The following CTNNA2 variants were observed in gnomAD, a reference collection of about 807,000 sequenced individuals.
CTNNA2 encodes the protein catenin alpha 2.
A neutral mutation model predicts 101.0 loss-of-function variants in CTNNA2; 42 were observed. The observed-to-expected ratio is 0.42, with a 90% CI of 0.32 to 0.54. The LOEUF is 0.54. Among genes scored for constraint, CTNNA2 ranks in the 20% least tolerant of loss-of-function variants. The pLI, the probability that CTNNA2 is intolerant of heterozygous loss-of-function variation, is 0.14. For missense variants in CTNNA2, 871 were observed against 1,223.1 expected, an observed-to-expected ratio of 0.71 and a Z score of 4.29; for synonymous variants, 450 against 456.4, an observed-to-expected ratio of 0.99 and a Z score of 0.18.
intron 7 of CTNNA2, among the ~76,000 whole-genome samples, chr2:79,984,864 A>C (rs941106839): frequency 6.6e-6 from 1 of 152,132 alleles, no homozygotes; most frequent in South Asian, 2.1e-4. Flanking sequence ...TAAAAATCCT[A>C]GGAGGTTTCC....
At chr2:80,388,347 G>T (rs77505636) in intron 7 of CTNNA2, among the ~76,000 whole-genome samples, 1,565 of 152,240 alleles carry the variant, frequency 0.01, 14 homozygotes, top group Middle Eastern at 0.054. Context: ...TGCTGGTTAG[G>T]TATTGGCTAA....
At chr2:79,837,342 G>A (rs1027983183) in intron 3 of CTNNA2, among the ~76,000 whole-genome samples, 2 of 152,166 alleles carry the variant, frequency 1.3e-5, no homozygotes, top group South Asian at 2.1e-4. Flanking sequence ...GCCTGTTTAT[G>A]TTCTAGCTGT....
chr2:80,394,572 A>G (rs141888445), intron 8 of CTNNA2, among the ~76,000 whole-genome samples: 55 of 152,294 alleles, frequency 3.6e-4, no homozygotes, highest in African/African-American at 1.3e-3. Flanking sequence ...CTCTTAGATC[A>G]TCTCTACATA....
At chr2:80,645,118 C>T (rs1370045413) in intron 18 of CTNNA2, among the ~76,000 whole-genome samples, 2 of 152,130 alleles carry the variant, frequency 1.3e-5, no homozygotes, top group African/African-American at 2.4e-5. Flanking sequence ...TTGCCCAAAG[C>T]AAATCAATGA....
chr2:79,382,176 T>C (rs1032617367), intron 4 of CTNNA2, among the ~76,000 whole-genome samples: 2 of 151,848 alleles, frequency 1.3e-5, no homozygotes, highest in African/African-American at 4.8e-5. Flanking sequence ...CTCCTGTCCT[T>C]GGGCATCAGT....
intron 7 of CTNNA2, among the ~76,000 whole-genome samples, chr2:80,081,584 G>T (rs909689057): frequency 7.4e-6 from 1 of 134,880 alleles, no homozygotes; most frequent in East Asian, 2.5e-4. Flanking sequence ...CTTTGCAAAA[G>T]ACATGATATA....
intron 7 of CTNNA2, among the ~76,000 whole-genome samples, chr2:80,389,999 T>G (rs769507058): frequency 1.3e-4 from 20 of 152,216 alleles, no homozygotes; most frequent in Non-Finnish European, 2.1e-4. Context: ...GTAATCACAC[T>G]ATAAAGAAGC....
chr2:80,207,582 G>A (rs117472343), intron 7 of CTNNA2, among the ~76,000 whole-genome samples: 6 of 152,270 alleles, frequency 3.9e-5, no homozygotes, highest in East Asian at 1.9e-4. Flanking sequence ...GATAGAGTTG[G>A]CATTGCTTGG....
chr2:79,383,026 C>A (rs973722799), intron 4 of CTNNA2, among the ~76,000 whole-genome samples: 1 of 152,168 alleles, frequency 6.6e-6, no homozygotes, highest in African/African-American at 2.4e-5. Context: ...TGAGAGGTTG[C>A]GCTCAACTTC....
chr2:79,854,773 T>C (rs1177463755), intron 3 of CTNNA2, among the ~76,000 whole-genome samples: 1 of 152,216 alleles, frequency 6.6e-6, no homozygotes, highest in Non-Finnish European at 1.5e-5. Context: ...GTACATGAGA[T>C]TGAACAAGAA....
At chr2:79,655,747 T>C (rs1367281198) in intron 2 of CTNNA2, among the ~76,000 whole-genome samples, 2 of 151,364 alleles carry the variant, frequency 1.3e-5, no homozygotes, top group Non-Finnish European at 2.9e-5. Context: ...GAGAATCACT[T>C]GAACACAGGA....
intron 1 of CTNNA2, chr2:79,524,795 G>A (rs891481809): frequency 6.6e-6 from 1 of 151,900 alleles, no homozygotes; most frequent in East Asian, 1.9e-4. Context: ...ACCAATATCA[G>A]TATATTTGTG....
intron 7 of CTNNA2, among the ~76,000 whole-genome samples, chr2:79,972,096 CAG>C (rs1463289685): frequency 1.3e-5 from 2 of 152,154 alleles, no homozygotes; most frequent in African/African-American, 4.8e-5. Context: ...CAACCAGACT[CAG>C]AGAGGGGACC....
chr2:80,192,385 T>G (rs1706563364), intron 7 of CTNNA2, among the ~76,000 whole-genome samples: 1 of 152,198 alleles, frequency 6.6e-6, no homozygotes, highest in Non-Finnish European at 1.5e-5. Flanking sequence ...TATTGCCCAG[T>G]GGTCATGATG....
chr2:79,238,085 A>G (rs1674579669), intron 2 of CTNNA2, among the ~76,000 whole-genome samples: 1 of 152,174 alleles, frequency 6.6e-6, no homozygotes, highest in Non-Finnish European at 1.5e-5. Context: ...ATTCCTCACT[A>G]TGCTTAATCA....
At chr2:79,567,440 G>A (rs1675183333) in intron 1 of CTNNA2, among the ~76,000 whole-genome samples, 1 of 151,862 alleles carries the variant, frequency 6.6e-6, no homozygotes, top group Non-Finnish European at 1.5e-5. Flanking sequence ...CTTCACCTGA[G>A]TAAGCCTTTG....
At chr2:79,753,182 C>G (rs929286685) in intron 3 of CTNNA2, among the ~76,000 whole-genome samples, 3 of 152,254 alleles carry the variant, frequency 2.0e-5, no homozygotes, top group East Asian at 1.9e-4. Context: ...GACGATTACT[C>G]CTTTCATGGA....
chr2:79,982,582 T>TA (rs1691462528), intron 7 of CTNNA2, among the ~76,000 whole-genome samples: 1 of 150,624 alleles, frequency 6.6e-6, no homozygotes, highest in East Asian at 2.0e-4. Context: ...AGGTTTCTGA[T>TA]GTTTCTGTTA....
chr2:79,749,791 A>T (rs1384881251), intron 3 of CTNNA2, among the ~76,000 whole-genome samples: 3 of 152,202 alleles, frequency 2.0e-5, no homozygotes, highest in African/African-American at 7.2e-5. Context: ...ACCTAAATGA[A>T]TTGTTTTACT....
Sources: allele counts gnomAD v4.1 joint callset (sites outside exome capture counted in the v4.1 genomes callset), GRCh38; gene constraint gnomAD v4.1.1; transcripts MANE v1.5; gene names NCBI Gene and HGNC (gene_info 2026-07-23, HGNC 2026-07-21).